The following DNAJC24 variants were observed in gnomAD, a reference collection of about 807,000 sequenced individuals.
DNAJC24 encodes dnaJ homolog subfamily C member 24.
Under a neutral mutation model 18.0 loss-of-function variants are expected in DNAJC24, and 17 were observed. The ratio of observed to expected loss-of-function variants is 0.94; its 90% confidence interval spans 0.65 to 1.42. DNAJC24 has a LOEUF of 1.42. Ranked by LOEUF, DNAJC24 falls within the 40% of genes most tolerant of loss-of-function variation. The pLI is 0.00. For missense variants in DNAJC24, 158 were observed against 175.6 expected, an observed-to-expected ratio of 0.90 and a Z score of 0.57; for synonymous variants, 55 against 57.7, an observed-to-expected ratio of 0.95 and a Z score of 0.21.
At chr11:31,413,688 T>A (rs1267022495) in intron 2 of DNAJC24, among the ~76,000 whole-genome samples, 1 of 152,174 alleles carries the variant, frequency 6.6e-6, no homozygotes, top group Non-Finnish European at 1.5e-5. Context: ...TCCACACTGC[T>A]AAGGATCCTC....
chr11:31,388,629 G>A (rs117635803), intron 2 of DNAJC24, among the ~76,000 whole-genome samples: 5,731 of 152,222 alleles, frequency 0.038, 171 homozygotes, highest in Non-Finnish European at 0.061. Context: ...TACTTCCTCT[G>A]TCTGAAAGAA....
At chr11:31,416,029 G>C (rs934888261) in intron 3 of DNAJC24, 3 of 152,140 alleles carry the variant, frequency 2.0e-5, no homozygotes, top group Non-Finnish European at 4.4e-5. Context: ...TGATACTTCT[G>C]TGTGGAAAGA....
chr11:31,403,159 GTA>G (rs1564953141), intron 2 of DNAJC24, among the ~76,000 whole-genome samples: 1 of 148,220 alleles, frequency 6.7e-6, no homozygotes, highest in Non-Finnish European at 1.5e-5. Flanking sequence ...GTGTGTGTGT[GTA>G]TCATTCTTCT....
At chr11:31,421,859 C>A in intron 3 of DNAJC24, 1 of 271,866 alleles carries the variant, frequency 3.7e-6, no homozygotes. Context: ...GTGAATGACC[C>A]AGCGAGAGCT....
intron 2 of DNAJC24, among the ~76,000 whole-genome samples, chr11:31,411,370 G>A (rs1169543146): frequency 1.3e-5 from 2 of 152,070 alleles, no homozygotes; most frequent in South Asian, 2.1e-4. Context: ...ATTTGGACTG[G>A]GTTTTAATTT....
intron 2 of DNAJC24, among the ~76,000 whole-genome samples, chr11:31,373,719 G>GA (rs1952287520): frequency 7.4e-6 from 1 of 134,356 alleles, no homozygotes; most frequent in Non-Finnish European, 1.7e-5. Context: ...TTGAGTCTTT[G>GA]AATCTATGAA....
Position 31,408,654 on chromosome 11 carries a change from T to C in DNAJC24, c.112-6157T>C, listed in dbSNP as rs190215379. ...ATGAAATATTATATCATTTCCTGTATATCTTTTGTAGTACCATGAATGATC... is the reference window on the plus strand; with the variant it reads ...ATGAAATATTATATCATTTCCTGTACATCTTTTGTAGTACCATGAATGATC... On this transcript the variant is annotated intron_variant, in intron 2 of 4. Transcript: ENST00000465995. 1.0e-3 allele frequency among the ~76,000 whole-genome samples: 155 copies of C among 152,352 alleles called. 1 individual carries two copies. Among genetic ancestry groups the C allele is most frequent in the African/African-American group, 3.4e-3 (143 of 41,580 alleles).
intron 2 of DNAJC24, 42 bp downstream of exon 2, chr11:31,370,901 A>C (rs762106789): frequency 1.5e-6 from 2 of 1,346,468 alleles, no homozygotes; most frequent in South Asian, 2.6e-5. Context: ...AGGGGAAAAA[A>C]ATCAATTTTT....
intron 4 of DNAJC24, chr11:31,427,823 C>T (rs980053639): frequency 2.7e-5 from 4 of 150,648 alleles, no homozygotes; most frequent in Non-Finnish European, 5.9e-5. Context: ...ATGTTAAGAT[C>T]TTAATTTTAA....
chr11:31,429,405 C>T, intron 4 of DNAJC24: 1 of 336,998 alleles, frequency 3.0e-6, no homozygotes, highest in Non-Finnish European at 6.6e-6. Flanking sequence ...ATCATGAGTC[C>T]TTTGAGACTT....
chr11:31,388,388 A>G (rs780514319), intron 2 of DNAJC24, among the ~76,000 whole-genome samples: 3 of 152,228 alleles, frequency 2.0e-5, no homozygotes, highest in Non-Finnish European at 2.9e-5. Flanking sequence ...ATCAAATAGC[A>G]TGCAAAGGAG....
In DNAJC24 at chr11:31,431,224, T is replaced by TG. The variant is rs1253582438; in HGVS notation, c.*825dup. 2.0e-5 allele frequency: 3 copies of TG among 151,976 alleles called. No homozygotes were observed. The highest frequency in any genetic ancestry group is 2.9e-5 in the Non-Finnish European group (2 of 68,128). 9.4% of individuals were successfully genotyped at this position (151,976 alleles called of 1,614,324 possible). ...TAGTAGAGATGGGGTTCCACCATGT[T>TG]GGCCAGGCTGGTCTCAAACTCCTGA... On this transcript the variant is annotated 3_prime_UTR_variant, in exon 5 of 5. Coordinates refer to ENST00000465995, the MANE Select transcript of DNAJC24 (RefSeq NM_181706.5).
intron 2 of DNAJC24, among the ~76,000 whole-genome samples, chr11:31,397,897 G>C (rs1246095272): frequency 6.6e-6 from 1 of 151,488 alleles, no homozygotes; most frequent in East Asian, 1.9e-4. Context: ...CTGCCTCCTG[G>C]GTTCAAGTGA....
rs1206368844 is a variant in DNAJC24, at chr11:31,372,780, A to C, written c.111+1921A>C. Reference sequence around the variant, plus strand: ...CATTTTGGCTATTGGAGTTTTTGCAATTTTGCCACCATTGACATTTTGGGC... The same window carrying C: ...CATTTTGGCTATTGGAGTTTTTGCACTTTTGCCACCATTGACATTTTGGGC... On this transcript the variant is annotated intron_variant, in intron 2 of 4. Transcript: ENST00000465995. Among the ~76,000 whole-genome samples the C allele has an allele frequency of 1.5e-5, 2 of 135,678 alleles. 1 individual carries two copies. Among genetic ancestry groups the C allele is most frequent in the Non-Finnish European group, 3.4e-5 (2 of 58,720 alleles). 89.0% of individuals were successfully genotyped at this position (135,678 alleles called of 152,430 possible). A position where few individuals can be genotyped will look rare whatever the true frequency, so the allele number is the denominator to read the frequency against.
intron 2 of DNAJC24, among the ~76,000 whole-genome samples, chr11:31,381,333 G>T (rs190057172): frequency 6.6e-6 from 1 of 151,982 alleles, no homozygotes; most frequent in African/African-American, 2.4e-5. Flanking sequence ...ATTATTTTCT[G>T]TGTCACAAAT....
At position 31,432,649 on chromosome 11, in the gene DNAJC24, C is replaced by G; in HGVS notation, c.*2248C>G. ...TCATATTCCCTTTTGCTATCTGTCCCTTTTCTCTATGCCAGATAAACACTT... is the reference window on the plus strand; with the variant it reads ...TCATATTCCCTTTTGCTATCTGTCCGTTTTCTCTATGCCAGATAAACACTT... On this transcript the variant is annotated 3_prime_UTR_variant, in exon 5 of 5. Coordinates refer to ENST00000465995, the MANE Select transcript of DNAJC24 (RefSeq NM_181706.5). 1 of 930,028 alleles carries G rather than the reference C, an allele frequency of 1.1e-6. No homozygotes were observed. The highest frequency in any genetic ancestry group is 2.4e-5 in the East Asian group (1 of 41,102). 57.6% of individuals were successfully genotyped at this position (930,028 alleles called of 1,614,324 possible). A position where few individuals can be genotyped will look rare whatever the true frequency, so the allele number is the denominator to read the frequency against.
chr11:31,380,490 A>G (rs1952365872), intron 2 of DNAJC24, among the ~76,000 whole-genome samples: 2 of 152,186 alleles, frequency 1.3e-5, no homozygotes, highest in African/African-American at 4.8e-5. Flanking sequence ...AAGACAGGAA[A>G]ACATTTTTGT....
intron 3 of DNAJC24, among the ~76,000 whole-genome samples, chr11:31,418,426 A>T (rs1337793817): frequency 6.6e-6 from 1 of 152,122 alleles, no homozygotes; most frequent in Non-Finnish European, 1.5e-5. Flanking sequence ...GGAAAATAAC[A>T]GTTGTCATGA....
At chr11:31,400,328 C>T (rs1278158248) in intron 2 of DNAJC24, among the ~76,000 whole-genome samples, 2 of 152,052 alleles carry the variant, frequency 1.3e-5, no homozygotes, top group African/African-American at 4.8e-5. Context: ...CTTGAGGAAT[C>T]GCCACACTGT....
Sources: gnomAD v4.1 joint callset for allele counts (sites outside exome capture counted in the v4.1 genomes callset) on GRCh38, gnomAD v4.1.1 for gene constraint, MANE v1.5 for transcripts, NCBI Gene and HGNC (gene_info 2026-07-23, HGNC 2026-07-21) for gene names.